The following RTL4 variants were observed in gnomAD, a reference collection of about 807,000 sequenced individuals.
RTL4 encodes the protein retrotransposon Gag-like protein 4.
A neutral mutation model predicts 5.3 loss-of-function variants in RTL4; 4 were observed. The ratio of observed to expected loss-of-function variants is 0.75; its 90% CI spans 0.37 to 1.72. RTL4 has a LOEUF of 1.72. Ranked by LOEUF, RTL4 falls within the 40% of genes most tolerant of loss-of-function variation. The pLI is 0.04. For synonymous variants in RTL4, 98 were observed against 87.3 expected (o/e 1.12, Z -0.68); for missense variants, 260 against 227.1 (o/e 1.14, Z -0.93).
the RTL4 span, among the ~76,000 whole-genome samples, chrX:112,117,355 T>G: frequency 1.9e-5 from 2 of 107,094 alleles, no homozygotes; most frequent in South Asian, 8.4e-4. Context: ...TACATAATCT[T>G]AAAAATCGTT....
At chrX:112,381,394 G>A in the RTL4 span, 1 of 1,207,918 alleles carries the variant, frequency 8.3e-7, no homozygotes, top group Non-Finnish European at 1.1e-6. Flanking sequence ...TGGCGGAAAT[G>A]ACGGATCTGA....
chrX:112,337,480 A>C, the RTL4 span, among the ~76,000 whole-genome samples: 1 of 110,609 alleles, frequency 9.0e-6, no homozygotes, highest in Non-Finnish European at 1.9e-5. Flanking sequence ...ACAGGGTTTC[A>C]CCATGTTGGC....
the RTL4 span, among the ~76,000 whole-genome samples, chrX:112,300,554 T>G: frequency 1.2e-4 from 13 of 112,227 alleles, no homozygotes; most frequent in African/African-American, 4.2e-4. Flanking sequence ...CATGCATGTA[T>G]AGATGTGAAA....
At chrX:112,099,502 G>T in the RTL4 span, among the ~76,000 whole-genome samples, 1 of 111,268 alleles carries the variant, frequency 9.0e-6, no homozygotes, top group Admixed American at 9.6e-5. Context: ...GGAACAGCAC[G>T]TGCAAAACTA....
the RTL4 span, among the ~76,000 whole-genome samples, chrX:112,264,099 A>G: frequency 9.0e-6 from 1 of 111,623 alleles, no homozygotes; most frequent in Non-Finnish European, 1.9e-5. Context: ...AGTAAGATTC[A>G]TGACAGTCAA....
At chrX:112,350,083 A>T in the RTL4 span, among the ~76,000 whole-genome samples, 2 of 111,004 alleles carry the variant, frequency 1.8e-5, no homozygotes, top group Non-Finnish European at 3.8e-5. Flanking sequence ...AGAGTTGTTG[A>T]ATTTTGTCAA....
the RTL4 span, among the ~76,000 whole-genome samples, chrX:112,113,143 G>A: frequency 2.3e-4 from 25 of 111,092 alleles, no homozygotes; most frequent in South Asian, 3.9e-4. Flanking sequence ...GGCCTTAAGG[G>A]TTATTGCTTT....
At chrX:112,350,655 G>C in the RTL4 span, among the ~76,000 whole-genome samples, 747 of 111,682 alleles carry the variant, frequency 6.7e-3, 4 homozygotes, top group African/African-American at 0.023. Context: ...TATTTGCGTA[G>C]AGGTGTTTGT....
the RTL4 span, among the ~76,000 whole-genome samples, chrX:112,212,145 G>C: frequency 1.8e-5 from 2 of 112,377 alleles, no homozygotes; most frequent in Non-Finnish European, 3.8e-5. Context: ...GGGAGGCCGA[G>C]GCGGGCGGAT....
At chrX:112,137,721 T>G in the RTL4 span, among the ~76,000 whole-genome samples, 1 of 111,562 alleles carries the variant, frequency 9.0e-6, no homozygotes, top group South Asian at 3.8e-4. Flanking sequence ...CCATAACAGA[T>G]GGCTATTATA....
the RTL4 span, among the ~76,000 whole-genome samples, chrX:112,162,006 C>T: frequency 9.1e-6 from 1 of 109,767 alleles, no homozygotes; most frequent in Non-Finnish European, 1.9e-5. Flanking sequence ...TAACCAGCAA[C>T]TTTTATAATT....
the RTL4 span, among the ~76,000 whole-genome samples, chrX:112,226,545 A>G: frequency 8.9e-6 from 1 of 111,747 alleles, no homozygotes; most frequent in Non-Finnish European, 1.9e-5. Context: ...TTCCAGCTCC[A>G]ATATTGATCA....
chrX:112,389,373 A>G, the RTL4 span, among the ~76,000 whole-genome samples: 1 of 105,922 alleles, frequency 9.4e-6, no homozygotes, highest in Non-Finnish European at 1.9e-5. Context: ...TGATATTTTG[A>G]ATGGTTTTTC....
At chrX:112,401,533 A>T in the RTL4 span, among the ~76,000 whole-genome samples, 1 of 112,177 alleles carries the variant, frequency 8.9e-6, no homozygotes, top group Admixed American at 9.5e-5. Context: ...CTACCCAGTT[A>T]GGTAATCTTA....
chrX:112,242,118 G>A, the RTL4 span, among the ~76,000 whole-genome samples: 1 of 111,706 alleles, frequency 9.0e-6, no homozygotes, highest in Non-Finnish European at 1.9e-5. Context: ...ATAGTTTGAA[G>A]TCAGGTAGCG....
At chrX:112,230,631 C>T in the RTL4 span, among the ~76,000 whole-genome samples, 1 of 112,355 alleles carries the variant, frequency 8.9e-6, no homozygotes, top group Non-Finnish European at 1.9e-5. Flanking sequence ...TAGACTGGAG[C>T]TGTTCCTATT....
At chrX:112,354,779 C>G in the RTL4 span, among the ~76,000 whole-genome samples, 5 of 110,879 alleles carry the variant, frequency 4.5e-5, no homozygotes, top group Non-Finnish European at 9.5e-5. Flanking sequence ...TGTGAAAGCA[C>G]TTCAAAACAT....
At chrX:112,239,068 A>C in the RTL4 span, among the ~76,000 whole-genome samples, 28,796 of 110,664 alleles carry the variant, frequency 0.26, 3,765 homozygotes, top group African/African-American at 0.52. Context: ...GTCTCCCACT[A>C]AGATGGTATT....
chrX:112,219,388 C>T, the RTL4 span, among the ~76,000 whole-genome samples: 2 of 112,044 alleles, frequency 1.8e-5, no homozygotes, highest in African/African-American at 6.5e-5. Context: ...ATTCTTTAAA[C>T]AGATCCTCAA....
Sources: allele counts gnomAD v4.1 joint callset (sites outside exome capture counted in the v4.1 genomes callset), GRCh38; gene constraint gnomAD v4.1.1; transcripts MANE v1.5; gene names NCBI Gene and HGNC (gene_info 2026-07-23, HGNC 2026-07-21).